The following SMARCA4 variants were observed in gnomAD, a reference collection of about 807,000 sequenced individuals.
SMARCA4 encodes SWI/SNF related BAF chromatin remodeling complex subunit ATPase 4, also known as SWI/SNF-related matrix-associated actin-dependent regulator of chromatin subfamily A member 4.
In SMARCA4, 31 loss-of-function variants were observed where a neutral mutation model predicts 193.9. The ratio of observed to expected loss-of-function variants is 0.16; its 90% confidence interval spans 0.12 to 0.22. The LOEUF is 0.22. Among genes scored for constraint, SMARCA4 ranks in the 10% least tolerant of loss-of-function variants. The pLI is 1.00. For missense variants in SMARCA4, 1,148 were observed against 2,296.0 expected (o/e 0.50, Z 10.22); for synonymous variants, 942 against 933.1 (o/e 1.01, Z -0.17).
chr19:11,055,228 C>T (rs538663386), intron 30 of SMARCA4, among the ~76,000 whole-genome samples: 7 of 152,248 alleles, frequency 4.6e-5, no homozygotes, highest in Admixed American at 2.0e-4. Context: ...CTCACTCTGT[C>T]GCCCAGGCTA....
rs1027493911 is a variant in SMARCA4 at position 11,033,566 on chromosome 19, C to T, written c.3774+49C>T. On this transcript the variant is annotated intron_variant, in intron 26 of 34. Transcript: ENST00000344626. The surrounding 1 kb of genome is among the most constrained non-coding windows in gnomAD (Gnocchi z 9.8). Reference sequence around the variant, plus strand: ...CCCTCCCCAGCGTGAATGGTGGACGCGTGAGCGGCTTTCATTTTTGTTTTT... The same window carrying T: ...CCCTCCCCAGCGTGAATGGTGGACGTGTGAGCGGCTTTCATTTTTGTTTTT... 11 of 1,428,390 alleles carry T rather than the reference C, an allele frequency of 7.7e-6. No homozygotes were observed. The highest frequency in any genetic ancestry group is 1.7e-4 in the Middle Eastern group (1 of 5,784). 88.5% of individuals were successfully genotyped at this position (1,428,390 alleles called of 1,614,324 possible). A position where few individuals can be genotyped will look rare whatever the true frequency, so the allele number is the denominator to read the frequency against.
Position 11,039,491 on chromosome 19 carries a change from A to G in SMARCA4, c.4171-1816A>G, listed in dbSNP as rs1555787153. The G allele has an allele frequency of 1.2e-6, 2 of 1,603,790 alleles. No individual in the cohort carries two copies. The highest frequency in any genetic ancestry group is 1.7e-6 in the Non-Finnish European group (2 of 1,176,120). ...AGGAAAAGATATCCATGACACAGCC[A>G]GCAGTGTGGCACGTGGGCTACAATT... On this transcript the variant is annotated intron_variant, in intron 29 of 34. Transcript: ENST00000344626.
intron 29 of SMARCA4, among the ~76,000 whole-genome samples, chr19:11,037,832 C>T (rs1269648869): frequency 6.6e-6 from 1 of 152,200 alleles, no homozygotes; most frequent in Non-Finnish European, 1.5e-5. Context: ...GGTCCATCTT[C>T]ATCCATCCAA....
intron 1 of SMARCA4, among the ~76,000 whole-genome samples, chr19:10,976,355 A>C (rs2085126930): frequency 1.3e-5 from 2 of 152,084 alleles, no homozygotes; most frequent in African/African-American, 4.8e-5. Flanking sequence ...GCCTCACCCC[A>C]GCCCTTCAGG....
At chr19:10,970,206 G>T (rs2084565639) in intron 1 of SMARCA4, among the ~76,000 whole-genome samples, 1 of 152,134 alleles carries the variant, frequency 6.6e-6, no homozygotes, top group African/African-American at 2.4e-5. Flanking sequence ...CATTGAAGCT[G>T]TCTGTATTGC....
At chr19:10,991,043 T>TA in intron 7 of SMARCA4, 107 bp from the exon 8 acceptor site, 6 of 1,554,184 alleles carry the variant, frequency 3.9e-6, no homozygotes, top group Non-Finnish European at 4.4e-6. Context: ...GTAAGGCACT[T>TA]ACAATGCTCC....
intron 34 of SMARCA4, among the ~76,000 whole-genome samples, chr19:11,060,909 C>A (rs2076826082): frequency 6.6e-6 from 1 of 152,160 alleles, no homozygotes; most frequent in Non-Finnish European, 1.5e-5. Flanking sequence ...TGAGGACATT[C>A]ATGAAGTCCT....
At chr19:10,972,261 A>C (rs1480309835) in intron 1 of SMARCA4, among the ~76,000 whole-genome samples, 1 of 151,074 alleles carries the variant, frequency 6.6e-6, no homozygotes, top group Non-Finnish European at 1.5e-5. Flanking sequence ...GCCTGGTCCT[A>C]ATTTTTTTAT....
rs2075022 is a variant in SMARCA4, at chr19:11,025,639, C to T, written c.3168+131C>T. On this transcript the variant is annotated intron_variant, in intron 22 of 34. Transcript: ENST00000344626. ...CATTAGGTAATGCCTGTACATCTGT[C>T]TCTCATTTGGTCTTCGCTTCACCAG... 272,714 of 719,904 alleles carry T rather than the reference C, an allele frequency of 0.38. 54,333 individuals are homozygous for T. The highest frequency in any genetic ancestry group is 0.57 in the East Asian group (21,119 of 37,166). 44.6% of individuals were successfully genotyped at this position (719,904 alleles called of 1,614,324 possible).
rs552176823 is a variant in SMARCA4, at chr19:11,046,209, C to T, written c.4424+4649C>T. ...CTGCACTCCAGCCTGGGCGACAGAG[C>T]GAGACTCCGTCTCAAAAAAAAAAAA... On this transcript the variant is annotated intron_variant, in intron 30 of 34. Coordinates refer to ENST00000344626, the MANE Select transcript of SMARCA4 (RefSeq NM_003072.5). 6.7e-3 allele frequency among the ~76,000 whole-genome samples: 991 copies of T among 148,508 alleles called. 11 individuals are homozygous for T. Among genetic ancestry groups the T allele is most frequent in the African/African-American group, 0.024 (950 of 40,190 alleles).
In SMARCA4 at chr19:10,987,745, C is replaced by A. The variant is rs755971351; in HGVS notation, c.939C>A (p.Pro313=). Residue 313 remains proline, a synonymous_variant, in exon 6 of 35, where the codon CCC becomes CCA. Transcript: ENST00000344626. The surrounding 1 kb of genome is among the most constrained non-coding windows in gnomAD (Gnocchi z 5.3). ...IPPQPTGRPS[P]APPAVPPAAS... ...CGCAGCCAACGGGCCGCCCTTCCCC[C>A]GCGCCCCCTGCCGTCCCACCCGCCG... 1 of 1,601,872 alleles carries A rather than the reference C, an allele frequency of 6.2e-7. No individual in the cohort carries two copies. The highest frequency in any genetic ancestry group is 2.3e-5 in the East Asian group (1 of 44,292).
rs989238446 is a variant in SMARCA4, at chr19:10,984,998, C to T, written c.223-275C>T. On this transcript the variant is annotated intron_variant, in intron 2 of 34. Coordinates refer to ENST00000344626, the MANE Select transcript of SMARCA4 (RefSeq NM_003072.5). This position sits in a 1 kb window ranked among gnomAD's most constrained non-coding sequence, Gnocchi z 4.3. ...GGTGACATTTCTAAGTGTCACGGGC[C>T]ACAGGAGGTCCCGGGTGGTAGAAGA... 1.3e-5 allele frequency among the ~76,000 whole-genome samples: 2 copies of T among 152,184 alleles called. No individual in the cohort carries two copies. The highest frequency in any genetic ancestry group is 2.9e-5 in the Non-Finnish European group (2 of 68,038).
intron 11 of SMARCA4, among the ~76,000 whole-genome samples, chr19:11,001,416 A>G (rs1037402355): frequency 2.0e-5 from 3 of 152,152 alleles, no homozygotes; most frequent in Non-Finnish European, 2.9e-5. Context: ...CTGTGATCAC[A>G]CCTGTGAATA....
chr19:10,997,261 C>A (rs1600091075), intron 11 of SMARCA4, among the ~76,000 whole-genome samples: 1 of 152,036 alleles, frequency 6.6e-6, no homozygotes, highest in Admixed American at 6.6e-5. Context: ...TGCAATGGCA[C>A]AATCTCTGCT....
intron 34 of SMARCA4, chr19:11,060,474 ACCAGGGCTCCTGGGCTGAGGCCGGGCAGG>A: frequency 1.9e-6 from 1 of 522,394 alleles, no homozygotes; most frequent in Admixed American, 3.3e-5. Flanking sequence ...GTCCCAGGGC[ACCAGGGCTCCTGGGCTGAGGCCGGGCAGG>A]CCAGGGCTTG....
chr19:10,971,005 C>T lies in SMARCA4; in HGVS notation c.-32+9831C>T, dbSNP rs538593182. On this transcript the variant is annotated intron_variant, in intron 1 of 34. Transcript: ENST00000344626. ...CCTGAGGTCGGGAGTTTGAGACCATCCTGACCAACATGGAGAAACCTAGTC... is the reference window on the plus strand; with the variant it reads ...CCTGAGGTCGGGAGTTTGAGACCATTCTGACCAACATGGAGAAACCTAGTC... Among the ~76,000 whole-genome samples, 209 of 152,188 alleles carry T rather than the reference C, an allele frequency of 1.4e-3. 1 individual carries two copies. The highest frequency in any genetic ancestry group is 4.8e-3 in the African/African-American group (198 of 41,530).
rs369766168 is a variant in SMARCA4, at chr19:11,061,825, A to T, written c.*9A>T. 2.4e-5 allele frequency: 38 copies of T among 1,613,800 alleles called. No individual in the cohort carries two copies. Among genetic ancestry groups the T allele is most frequent in the East Asian group, 1.3e-4 (6 of 44,888 alleles). On this transcript the variant is annotated 3_prime_UTR_variant, in exon 35 of 35. Transcript: ENST00000344626. The stretch of plus-strand genomic sequence containing the variant: ...GCAGCGAAGAAGACTGAGCCCCGAC[A>T]TTCCAGTCTCGACCCCGAGCCCCTC...
chr19:11,021,086 C>A (rs569670002), intron 18 of SMARCA4: 7 of 170,212 alleles, frequency 4.1e-5, no homozygotes, highest in African/African-American at 1.4e-4. Context: ...CTTTGTGGCT[C>A]ACCCCTGCTG....
intron 16 of SMARCA4, among the ~76,000 whole-genome samples, chr19:11,014,959 C>T (rs368007849): frequency 9.2e-5 from 14 of 152,042 alleles, no homozygotes; most frequent in East Asian, 3.9e-4. Flanking sequence ...ATTAGAGGCA[C>T]GCGCCACCAT....
Sources: allele counts gnomAD v4.1 joint callset (sites outside exome capture counted in the v4.1 genomes callset), GRCh38; gene constraint gnomAD v4.1.1; non-coding constraint Gnocchi (gnomAD v3.1); transcripts MANE v1.5; gene names NCBI Gene and HGNC (gene_info 2026-07-23, HGNC 2026-07-21).